The following ECH1 variants were observed in gnomAD, a reference collection of about 807,000 sequenced individuals.
ECH1 encodes the protein delta(3,5)-Delta(2,4)-dienoyl-CoA isomerase, mitochondrial.
ECH1 carries 30 observed loss-of-function variants against 37.0 expected under a neutral mutation model. That is an observed-to-expected ratio of 0.81 (90% CI 0.61 to 1.10). The LOEUF (loss-of-function observed/expected upper bound fraction) is 1.10. Ranked by LOEUF, ECH1 falls within the 50% of genes least tolerant of loss-of-function variation. The pLI is 0.00. For missense variants in ECH1, 456 were observed against 441.6 expected, an observed-to-expected ratio of 1.03 and a Z score of -0.29; for synonymous variants, 178 against 176.0, an observed-to-expected ratio of 1.01 and a Z score of -0.09.
chr19:38,830,392 A>G (rs1379087196), intron 3 of ECH1, among the ~76,000 whole-genome samples: 1 of 152,218 alleles, frequency 6.6e-6, no homozygotes, highest in African/African-American at 2.4e-5. Flanking sequence ...TCATGGCCAC[A>G]GATCCAGGAT....
intron 3 of ECH1, chr19:38,818,488 AT>A: frequency 1.5e-6 from 1 of 647,908 alleles, no homozygotes; most frequent in Non-Finnish European, 1.9e-6. Flanking sequence ...CTTTTTTTTT[AT>A]TTTATTTTTT....
At chr19:38,830,565 G>C (rs895846042) in intron 3 of ECH1, among the ~76,000 whole-genome samples, 1 of 151,300 alleles carries the variant, frequency 6.6e-6, no homozygotes, top group African/African-American at 2.4e-5. Context: ...TGGGAGAATC[G>C]CTTGACCTCA....
At chr19:38,825,856 A>AG (rs1031891338) in intron 3 of ECH1, among the ~76,000 whole-genome samples, 2 of 152,234 alleles carry the variant, frequency 1.3e-5, no homozygotes, top group African/African-American at 4.8e-5. Flanking sequence ...AAGGTTCCCT[A>AG]GGTCAGAAGC....
At chr19:38,822,605 G>A (rs1448901124) in intron 3 of ECH1, among the ~76,000 whole-genome samples, 8 of 152,278 alleles carry the variant, frequency 5.3e-5, no homozygotes, top group African/African-American at 1.9e-4. Context: ...CCTGTGTCTA[G>A]CTCAAGGTTT....
chr19:38,829,931 G>A (rs1971794379), intron 3 of ECH1, among the ~76,000 whole-genome samples: 1 of 152,162 alleles, frequency 6.6e-6, no homozygotes, highest in Non-Finnish European at 1.5e-5. Context: ...CTAGGTGGGT[G>A]GATGACCTGA....
In ECH1 at chr19:38,823,405, C is replaced by T. The variant is rs183819790; in HGVS notation, c.350-5830G>A. On this transcript the variant is annotated intron_variant, in intron 3 of 9. Coordinates refer to ENST00000221418, the MANE Select transcript of ECH1 (RefSeq NM_001398.3). Reference sequence around the variant, plus strand: ...ATCACCTATCGCCAAGCAGTGAGTACCACTGGACCCCTTTCACTTGCTATT... The same window carrying T: ...ATCACCTATCGCCAAGCAGTGAGTATCACTGGACCCCTTTCACTTGCTATT... 2.9e-3 allele frequency among the ~76,000 whole-genome samples: 448 copies of T among 152,294 alleles called. 1 individual carries two copies. The highest frequency in any genetic ancestry group is 0.018 in the South Asian group (89 of 4,828).
In ECH1 at chr19:38,831,751, A is replaced by G; in HGVS notation, c.22T>C (p.Ser8Pro). MAAGIVASRRLRDLLTRR... is the reference protein window; with the variant it reads MAAGIVAPRRLRDLLTRR... ...GTCAGTAGGTCGCGGAGTCTGCGAG[A>G]AGCCACTATCCCCGCCGCCATCGCC... Residue 8 changes from serine (S) to proline (P), a missense_variant, in exon 1 of 10, where the codon TCT becomes CCT. Ser to Pro is a moderately conservative substitution (Grantham distance 74). Transcript: ENST00000221418. 6.2e-7 allele frequency: 1 copy of G among 1,613,284 alleles called. No homozygotes were observed. The highest frequency in any genetic ancestry group is 8.5e-7 in the Non-Finnish European group (1 of 1,179,852).
At chr19:38,827,324 G>C (rs1012447816) in intron 3 of ECH1, among the ~76,000 whole-genome samples, 30 of 152,082 alleles carry the variant, frequency 2.0e-4, no homozygotes, top group African/African-American at 7.0e-4. Context: ...GAAATATTTT[G>C]CTTCTGGTTC....
chr19:38,828,808 A>C (rs1275156255), intron 3 of ECH1, among the ~76,000 whole-genome samples: 1 of 150,570 alleles, frequency 6.6e-6, no homozygotes, highest in East Asian at 2.0e-4. Context: ...TTTTTAGTAG[A>C]GATGGGGTTT....
rs573257423 is a variant in ECH1 at position 38,829,114 on chromosome 19, G to A, written c.349+1964C>T. On this transcript the variant is annotated intron_variant, in intron 3 of 9. Transcript: ENST00000221418. ...CGCCTGGCCAAAATGGTGAGACCCC[G>A]TCTCTACTAAAAATATAAAAATTAG... Among the ~76,000 whole-genome samples the A allele has an allele frequency of 1.1e-4, 17 of 151,076 alleles. No homozygotes were observed. The South Asian group carries it at 1.3e-3, about 11-fold the overall frequency.
At chr19:38,822,145 C>T (rs1313531842) in intron 3 of ECH1, among the ~76,000 whole-genome samples, 2 of 151,602 alleles carry the variant, frequency 1.3e-5, no homozygotes, top group Admixed American at 1.3e-4. Context: ...TTTGTAAATG[C>T]ACCAATCAAT....
At chr19:38,831,253 A>G in intron 2 of ECH1, 56 bp downstream of exon 2, 1 of 1,609,016 alleles carries the variant, frequency 6.2e-7, no homozygotes, top group Non-Finnish European at 8.5e-7. Context: ...ACTTTCACCC[A>G]GTCCCGCAGC....
In ECH1 at chr19:38,816,356, C is replaced by T; in HGVS notation, c.660-1G>A. The T allele has an allele frequency of 6.2e-7, 1 of 1,613,982 alleles. No homozygotes were observed. The highest frequency in any genetic ancestry group is 8.5e-7 in the Non-Finnish European group (1 of 1,180,010). ...GGTGAAGGCCAGCTCGTTGACCAGGCTGCAAAGGCAAGCGTGCATCAGGAG... is the reference window on the plus strand; with the variant it reads ...GGTGAAGGCCAGCTCGTTGACCAGGTTGCAAAGGCAAGCGTGCATCAGGAG... On this transcript the variant is annotated splice_acceptor_variant, in intron 7 of 9. Coordinates refer to ENST00000221418, the MANE Select transcript of ECH1 (RefSeq NM_001398.3). LOFTEE classifies it high-confidence loss of function.
rs927979448 is a variant in ECH1, at chr19:38,816,424, G to A, written c.659+29C>T. The stretch of plus-strand genomic sequence containing the variant: ...GCTGGGAGATGCTCTGGGGTCTCCT[G>A]CCCACACCCCCACACCCCCTGCACC... On this transcript the variant is annotated intron_variant, in intron 7 of 9. Coordinates refer to ENST00000221418, the MANE Select transcript of ECH1 (RefSeq NM_001398.3). 4 of 1,613,842 alleles carry A rather than the reference G, an allele frequency of 2.5e-6. No homozygotes were observed. In the East Asian group the frequency reaches 6.7e-5, roughly 27 times the overall value.
At chr19:38,815,781 C>T in intron 9 of ECH1, 64 bp from the exon 10 acceptor site, 4 of 1,613,612 alleles carry the variant, frequency 2.5e-6, no homozygotes. Context: ...CAGGATAAAG[C>T]ATGAGAGCAC....
At chr19:38,818,972 C>T (rs1398897866) in intron 3 of ECH1, 2 of 268,672 alleles carry the variant, frequency 7.4e-6, no homozygotes, top group Admixed American at 7.2e-5. Flanking sequence ...CACTGGTCTC[C>T]AACTCTGTGT....
chr19:38,817,678 A>C, intron 3 of ECH1, 103 bp from the exon 4 acceptor site: 17 of 1,428,240 alleles, frequency 1.2e-5, no homozygotes, highest in South Asian at 3.1e-5. Flanking sequence ...CCCCCAAACC[A>C]CCAAGGCGGA....
intron 3 of ECH1, among the ~76,000 whole-genome samples, chr19:38,829,333 C>A (rs1052914150): frequency 6.7e-6 from 1 of 148,660 alleles, no homozygotes; most frequent in South Asian, 2.2e-4. Context: ...TGGTGGCGGG[C>A]ATCTGTAATC....
At chr19:38,823,886 A>G (rs992799780) in intron 3 of ECH1, among the ~76,000 whole-genome samples, 17 of 152,220 alleles carry the variant, frequency 1.1e-4, no homozygotes, top group South Asian at 2.1e-4. Flanking sequence ...AGTTTCTCCT[A>G]TAAGAACGAC....
Sources: allele counts gnomAD v4.1 joint callset (sites outside exome capture counted in the v4.1 genomes callset), GRCh38; gene constraint gnomAD v4.1.1; transcripts MANE v1.5; gene names NCBI Gene and HGNC (gene_info 2026-07-23, HGNC 2026-07-21).